KRT2: variants seen among roughly 807,000 people sequenced by gnomAD.
KRT2 encodes the protein keratin 2.
A neutral mutation model predicts 48.5 loss-of-function variants in KRT2; 37 were observed. That is an observed-to-expected ratio of 0.76 (90% confidence interval 0.59 to 1.00). The LOEUF (loss-of-function observed/expected upper bound fraction) is 1.00, where lower values mean the gene tolerates loss of function less well. Among genes scored for constraint, KRT2 ranks in the 50% least tolerant of loss-of-function variants. The probability of loss-of-function intolerance (pLI) is 0.00; values close to 1 mark genes in which losing one functional copy is unlikely to be tolerated. For synonymous variants in KRT2, 324 were observed against 312.2 expected, an observed-to-expected ratio of 1.04 and a Z score of -0.40; for missense variants, 880 against 815.2, an observed-to-expected ratio of 1.08 and a Z score of -0.97.
At position 52,647,717 on chromosome 12, in the gene KRT2, G is replaced by A. The variant is rs762413024; in HGVS notation, c.1248+13C>T. On this transcript the variant is annotated intron_variant, in intron 6 of 8. Coordinates refer to ENST00000309680, the MANE Select transcript of KRT2 (RefSeq NM_000423.3). ...CAACCTCCCGCCCCTCGCTGGACAGGGCTGGGCCTCACCTGCTTCTTCACA... is the reference window on the plus strand; with the variant it reads ...CAACCTCCCGCCCCTCGCTGGACAGAGCTGGGCCTCACCTGCTTCTTCACA... 2 of 1,613,460 alleles carry A rather than the reference G, an allele frequency of 1.2e-6. No homozygotes were observed. Among genetic ancestry groups the A allele is most frequent in the East Asian group, 2.2e-5 (1 of 44,856 alleles).
At position 52,648,653 on chromosome 12, in the gene KRT2, C is replaced by A. The variant is rs12424544; in HGVS notation, c.958-316G>T. 0.12 allele frequency among the ~76,000 whole-genome samples: 17,548 copies of A among 152,024 alleles called. 1,398 individuals carry two copies. The highest frequency in any genetic ancestry group is 0.22 in the East Asian group (1,161 of 5,164). On this transcript the variant is annotated intron_variant, in intron 4 of 8. Coordinates refer to ENST00000309680, the MANE Select transcript of KRT2 (RefSeq NM_000423.3). ...CCTGTTTCAGAAATCATCTGTGCACCCTTGGGTTGGGGAGGGGGATAGGAG... is the reference window on the plus strand; with the variant it reads ...CCTGTTTCAGAAATCATCTGTGCACACTTGGGTTGGGGAGGGGGATAGGAG...
intron 6 of KRT2, 80 bp downstream of exon 6, chr12:52,647,650 T>G: frequency 6.5e-7 from 1 of 1,537,030 alleles, no homozygotes; most frequent in East Asian, 2.3e-5. Context: ...ATCTCTCACA[T>G]GCACACTCAC....
intron 4 of KRT2, among the ~76,000 whole-genome samples, 190 bp downstream of exon 4, chr12:52,648,817 C>T (rs1307585427): frequency 2.0e-5 from 3 of 152,096 alleles, no homozygotes; most frequent in African/African-American, 4.8e-5. Context: ...ATTCCCATAA[C>T]ATCGGAGGAG....
At chr12:52,647,084 C>A in intron 6 of KRT2, 124 bp from the exon 7 acceptor site, 5 of 842,850 alleles carry the variant, frequency 5.9e-6, no homozygotes, top group East Asian at 5.1e-5. Context: ...GGAGTTTAGT[C>A]GCAAACAACT....
intron 2 of KRT2, 46 bp from the exon 3 acceptor site, chr12:52,650,020 T>A (rs78648053): frequency 1.4e-6 from 2 of 1,415,852 alleles, no homozygotes; most frequent in Non-Finnish European, 2.0e-6. Flanking sequence ...TTCCCCTTCA[T>A]TTTTTTTCTT....
At chr12:52,648,898 T>A in intron 4 of KRT2, 109 bp downstream of exon 4, 4 of 761,026 alleles carry the variant, frequency 5.3e-6, no homozygotes, top group Non-Finnish European at 9.6e-6. Flanking sequence ...CAGATTGAAG[T>A]CAGCTGGTCC....
At position 52,645,000 on chromosome 12, in the gene KRT2, T is replaced by C. The variant is rs1357038751; in HGVS notation, c.*19A>G. 6.2e-7 allele frequency: 1 copy of C among 1,613,688 alleles called. No homozygotes were observed. Among genetic ancestry groups the C allele is most frequent in the Non-Finnish European group, 8.5e-7 (1 of 1,179,702 alleles). On this transcript the variant is annotated 3_prime_UTR_variant, in exon 9 of 9. Coordinates refer to ENST00000309680, the MANE Select transcript of KRT2 (RefSeq NM_000423.3). ...GGAGAGTCTGGGTTGGGAGAGTCGG[T>C]GGTGGTGGGGGCTCATCTTTATCTA...
chr12:52,648,868 C>T (rs1042334892), intron 4 of KRT2, 139 bp downstream of exon 4: 2 of 700,592 alleles, frequency 2.9e-6, no homozygotes, highest in Admixed American at 4.0e-5. Context: ...GAAAGCCCCC[C>T]CAGTGGCCTG....
In KRT2 at chr12:52,646,827, C is replaced by A. The variant is rs568144185; in HGVS notation, c.1382G>T (p.Arg461Leu). The change falls in exon 7 of 9, where the codon CGT (arginine) becomes CTT (leucine). Residue 461 changes from arginine to leucine, a missense_variant. By Grantham distance (102) the Arg-to-Leu change is moderately radical. Transcript: ENST00000309680. ...QAKEDLARLL[R>L]DYQELMNVKL... Reference sequence around the variant, plus strand: ...CACGTTCATCAGCTCCTGGTAGTCACGCAGCAGCCGCGCCAAGTCCTCCTT... The same window carrying A: ...CACGTTCATCAGCTCCTGGTAGTCAAGCAGCAGCCGCGCCAAGTCCTCCTT... 1 of 1,614,154 alleles carries A rather than the reference C, an allele frequency of 6.2e-7. No homozygotes were observed. The highest frequency in any genetic ancestry group is 1.1e-5 in the South Asian group (1 of 91,084).
Position 52,646,768 on chromosome 12 carries a change from G to A in KRT2, c.1441C>T (p.Arg481Cys), listed in dbSNP as rs375182516. 36 of 1,613,882 alleles carry A rather than the reference G, an allele frequency of 2.2e-5. No individual in the cohort carries two copies. The East Asian group carries it at 4.0e-4, about 18-fold the overall frequency. ...CACTCCTCGCCCTCCAGCAGTTTGC[G>A]GTAGGTGGCGATCTCCACATCTAGG... Reference protein sequence around the residue: ...LALDVEIATYRKLLEGEECRM... With the variant: ...LALDVEIATYCKLLEGEECRM... The change falls in exon 7 of 9, where the codon CGC (arginine) becomes TGC (cysteine). Residue 481 changes from arginine (R) to cysteine (C), a missense_variant. Transcript: ENST00000309680.
In KRT2 at chr12:52,644,819, G is replaced by A. The variant is rs1941136457; in HGVS notation, c.*200C>T. 1 of 631,022 alleles carries A rather than the reference G, an allele frequency of 1.6e-6. No homozygotes were observed. The highest frequency in any genetic ancestry group is 2.0e-5 in the South Asian group (1 of 50,830). 39.1% of individuals were successfully genotyped at this position (631,022 alleles called of 1,614,324 possible). On this transcript the variant is annotated 3_prime_UTR_variant, in exon 9 of 9. Transcript: ENST00000309680. Reference sequence around the variant, plus strand: ...CACAGATTCCGCCCCAGAACACAGAGGCGTCACTGGCTCTAACTAACTGGT... The same window carrying A: ...CACAGATTCCGCCCCAGAACACAGAAGCGTCACTGGCTCTAACTAACTGGT...
In KRT2 at chr12:52,651,838, A is replaced by AAGC. The variant is rs768402257; in HGVS notation, c.302_304dup (p.Ser101_Phe102insCys). The stretch of plus-strand genomic sequence containing the variant: ...ACCACTGAAGCCGCTGCCACCTCCA[A>AAGC]AGCTGCTGCCGCCTCCAAAACCACC... On this transcript the variant is annotated inframe_insertion, in exon 1 of 9. Transcript: ENST00000309680. 12 of 1,600,934 alleles carry AAGC rather than the reference A, an allele frequency of 7.5e-6. No individual in the cohort carries two copies. Among genetic ancestry groups the AAGC allele is most frequent in the African/African-American group, 1.4e-5 (1 of 73,904 alleles).
chr12:52,648,478 ACTC>A, intron 4 of KRT2, 141 bp from the exon 5 acceptor site: 1 of 793,836 alleles, frequency 1.3e-6, no homozygotes. Flanking sequence ...GTAACCGTCT[ACTC>A]CTGGGCCTCT....
intron 4 of KRT2, among the ~76,000 whole-genome samples, 155 bp from the exon 5 acceptor site, chr12:52,648,492 C>T (rs1941202528): frequency 6.6e-6 from 1 of 152,190 alleles, no homozygotes; most frequent in South Asian, 2.1e-4. Flanking sequence ...CTGGGCCTCT[C>T]CCAAGGTTGT....
rs1941252092 is a variant in KRT2, at chr12:52,651,770, C to T, written c.373G>A (p.Gly125Ser). The change falls in exon 1 of 9, where the codon GGT becomes AGT. Residue 125 changes from glycine to serine, a missense_variant. Physicochemically the swap from Gly to Ser is moderately conservative, Grantham distance 56. Coordinates refer to ENST00000309680, the MANE Select transcript of KRT2 (RefSeq NM_000423.3). ...GGGFGGGRFG[G>S]FGGPGGVGGL... ...CCAACACCACCAGGGCCCCCAAAAC[C>T]TCCAAAGCGGCCTCCACCAAAGCCG... 6.2e-7 allele frequency: 1 copy of T among 1,613,264 alleles called. No individual in the cohort carries two copies.
In KRT2 at chr12:52,652,148, C is replaced by T; in HGVS notation, c.-6G>A. On this transcript the variant is annotated 5_prime_UTR_variant, in exon 1 of 9. Coordinates refer to ENST00000309680, the MANE Select transcript of KRT2 (RefSeq NM_000423.3). The stretch of plus-strand genomic sequence containing the variant: ...CAAGAGATCTGACAACTCATGATGC[C>T]TTTGTCCAGGGAGGAAAGTCACAGG... 3 of 1,535,058 alleles carry T rather than the reference C, an allele frequency of 2.0e-6. No homozygotes were observed. The highest frequency in any genetic ancestry group is 2.6e-6 in the Non-Finnish European group (3 of 1,143,642).
In KRT2 at chr12:52,644,630, G is replaced by A; in HGVS notation, c.*389C>T. ...TCCGAAAGCAGAGTGGACAAGAGGAGCTATATACACAGAAACACATTTCCC... is the reference window on the plus strand; with the variant it reads ...TCCGAAAGCAGAGTGGACAAGAGGAACTATATACACAGAAACACATTTCCC... On this transcript the variant is annotated 3_prime_UTR_variant, in exon 9 of 9. Transcript: ENST00000309680. The A allele has an allele frequency of 3.3e-6, 1 of 298,772 alleles. No homozygotes were observed. The highest frequency in any genetic ancestry group is 6.3e-6 in the Non-Finnish European group (1 of 157,790). 18.5% of individuals were successfully genotyped at this position (298,772 alleles called of 1,614,324 possible).
chr12:52,648,909 A>G, intron 4 of KRT2, 98 bp downstream of exon 4: 1 of 822,668 alleles, frequency 1.2e-6, no homozygotes. Flanking sequence ...CAGCTGGTCC[A>G]TAAACCCCAC....
Position 52,651,757 on chromosome 12 carries a change from G to A in KRT2, c.386C>T (p.Pro129Leu). The A allele has an allele frequency of 2.5e-6, 4 of 1,613,720 alleles. No individual in the cohort carries two copies. The highest frequency in any genetic ancestry group is 3.4e-6 in the Non-Finnish European group (4 of 1,179,866). ...GGGRFGGFGG[P>L]GGVGGLGGPG... is the part of the protein sequence containing the mutation. Reference sequence around the variant, plus strand: ...ACCCCCTAAACCTCCAACACCACCAGGGCCCCCAAAACCTCCAAAGCGGCC... The same window carrying A: ...ACCCCCTAAACCTCCAACACCACCAAGGCCCCCAAAACCTCCAAAGCGGCC... The change falls in exon 1 of 9, where the codon CCT (proline) becomes CTT (leucine). Residue 129 changes from proline (P) to leucine (L), a missense_variant. Physicochemically the swap from Pro to Leu is moderately conservative, Grantham distance 98. Coordinates refer to ENST00000309680, the MANE Select transcript of KRT2 (RefSeq NM_000423.3).
Sources: allele counts gnomAD v4.1 joint callset (sites outside exome capture counted in the v4.1 genomes callset), GRCh38; gene constraint gnomAD v4.1.1; transcripts MANE v1.5; gene names NCBI Gene and HGNC (gene_info 2026-07-23, HGNC 2026-07-21).